PUDP: variants seen among roughly 807,000 people sequenced by gnomAD.
PUDP encodes the protein pseudouridine-5'-phosphatase.
A neutral mutation model predicts 9.4 loss-of-function variants in PUDP; 8 were observed. The observed-to-expected ratio is 0.85, with a 90% CI of 0.50 to 1.53. PUDP has a LOEUF of 1.53. PUDP is among the 40% of genes most tolerant of loss of function. The pLI is 0.00. For synonymous variants in PUDP, 99 were observed against 80.7 expected (o/e 1.23, Z -1.22); for missense variants, 188 against 189.7 (o/e 0.99, Z 0.05).
intron 1 of PUDP, among the ~76,000 whole-genome samples, chrX:7,036,275 G>GT (rs942176422): frequency 9.0e-5 from 10 of 111,146 alleles, no homozygotes; most frequent in East Asian, 8.5e-4. Flanking sequence ...CTAGGTTTTT[G>GT]TTTTTTTTGA....
chrX:6,903,951 TATTTA>T (rs1250237092), intron 3 of PUDP, among the ~76,000 whole-genome samples: 2 of 96,308 alleles, frequency 2.1e-5, no homozygotes, highest in Non-Finnish European at 4.3e-5. Flanking sequence ...AATATATATA[TATTTA>T]TTTTTTTTTT....
intron 1 of PUDP, among the ~76,000 whole-genome samples, chrX:7,140,489 C>T (rs1193523099): frequency 1.8e-5 from 2 of 110,972 alleles, no homozygotes; most frequent in Non-Finnish European, 1.9e-5. Flanking sequence ...TATCATTTAC[C>T]TTGCTCCTTT....
chrX:6,989,190 TCA>T (rs1602703564), intron 1 of PUDP: 1 of 112,123 alleles, frequency 8.9e-6, no homozygotes. Flanking sequence ...AGTTGTAAAT[TCA>T]CATTTATTTG....
chrX:7,077,379 G>A lies in PUDP; in HGVS notation c.351C>T (p.Ser117=), dbSNP rs775756672. Residue 117 remains serine (S), a synonymous_variant, in exon 3 of 4, where the codon TCC becomes TCT. Coordinates refer to ENST00000381077, the MANE Select transcript of PUDP (RefSeq NM_012080.5). ...GGCTTGTCTTCATATCGAACGACGCGGACCCCGAGCTGGTGGCCAGTGCAA... is the reference window on the plus strand; with the variant it reads ...GGCTTGTCTTCATATCGAACGACGCAGACCCCGAGCTGGTGGCCAGTGCAA... ...IPFALATSSG[S]ASFDMKTSRH... 1.8e-4 allele frequency: 218 copies of A among 1,208,759 alleles called. No homozygotes were observed. The highest frequency in any genetic ancestry group is 8.6e-5 in the Non-Finnish European group (77 of 894,778).
At chrX:6,902,739 C>G (rs1202293347) in intron 3 of PUDP, among the ~76,000 whole-genome samples, 1 of 111,494 alleles carries the variant, frequency 9.0e-6, no homozygotes, top group Non-Finnish European at 1.9e-5. Context: ...TAAACTGACA[C>G]AATCTCCTGG....
chrX:6,797,834 A>G lies in PUDP; in HGVS notation c.*248-91368T>C, dbSNP rs762830477. Among the ~76,000 whole-genome samples the G allele has an allele frequency of 2.7e-5, 3 of 112,299 alleles. No homozygotes were observed. The East Asian group carries it at 8.4e-4, about 32-fold the overall frequency. Reference sequence around the variant, plus strand: ...GAGTTGCTGTGTTCCACAGCATTAGATAACTAATATAATCCCCAATGCCAT... The same window carrying G: ...GAGTTGCTGTGTTCCACAGCATTAGGTAACTAATATAATCCCCAATGCCAT... On this transcript the variant is annotated intron_variant and NMD_transcript_variant, in intron 3 of 3. Coordinates refer to the PUDP transcript ENST00000655425.
chrX:6,882,946 A>T (rs1337814787), intron 3 of PUDP, among the ~76,000 whole-genome samples: 1 of 111,648 alleles, frequency 9.0e-6, no homozygotes, highest in African/African-American at 3.3e-5. Context: ...TCCTGTGGAC[A>T]GAGGGTGTTG....
At chrX:6,722,408 G>A (rs1180498747), upstream of PUDP, among the ~76,000 whole-genome samples, 1 of 106,550 alleles carries the variant, frequency 9.4e-6, no homozygotes, top group Non-Finnish European at 1.9e-5. Context: ...TTACACCACT[G>A]AACTCCAGCC....
chrX:7,030,730 G>C (rs753858153), intron 1 of PUDP, among the ~76,000 whole-genome samples: 1 of 111,189 alleles, frequency 9.0e-6, no homozygotes, highest in Admixed American at 9.5e-5. Context: ...CCTCTCAGAC[G>C]TTACTGGCTC....
At chrX:6,848,725 A>C (rs970052117) in intron 3 of PUDP, among the ~76,000 whole-genome samples, 7 of 111,637 alleles carry the variant, frequency 6.3e-5, no homozygotes, top group Non-Finnish European at 1.3e-4. Flanking sequence ...GAAGTTCTCA[A>C]TTAGTTCACG....
At chrX:6,752,437 T>C (rs1231528709) in intron 3 of PUDP, among the ~76,000 whole-genome samples, 1 of 111,973 alleles carries the variant, frequency 8.9e-6, no homozygotes, top group Non-Finnish European at 1.9e-5. Flanking sequence ...AAATATTCTA[T>C]GCAAAGGTGG....
At chrX:6,753,656 T>C (rs58917917) in intron 3 of PUDP, among the ~76,000 whole-genome samples, 5,887 of 111,933 alleles carry the variant, frequency 0.053, 153 homozygotes, top group East Asian at 0.17. Context: ...TTTTTTTGAT[T>C]GTGTCCATCC....
intron 1 of PUDP, among the ~76,000 whole-genome samples, chrX:7,038,769 A>G (rs1340094370): frequency 1.8e-5 from 2 of 112,088 alleles, no homozygotes; most frequent in Non-Finnish European, 3.8e-5. Context: ...AGGAAATTAT[A>G]GGAAAAAAGT....
intron 3 of PUDP, among the ~76,000 whole-genome samples, chrX:6,807,940 T>C (rs1295743116): frequency 8.9e-6 from 1 of 112,030 alleles, no homozygotes; most frequent in African/African-American, 3.2e-5. Context: ...AATTTGACTG[T>C]AGAAAATATG....
At chrX:7,078,283 C>T (rs976380862) in intron 2 of PUDP, among the ~76,000 whole-genome samples, 2 of 112,248 alleles carry the variant, frequency 1.8e-5, no homozygotes, top group Non-Finnish European at 3.8e-5. Flanking sequence ...CAAGGTGTGA[C>T]GGTTTGCCTA....
At chrX:6,935,773 T>C (rs1214064799) in intron 3 of PUDP, among the ~76,000 whole-genome samples, 95 of 55,126 alleles carry the variant, frequency 1.7e-3, no homozygotes, top group African/African-American at 6.2e-3. Context: ...AAGAATCAAA[T>C]AGATGCAATA....
rs192253342 is a variant in PUDP, at chrX:6,960,800, T to A, written c.*247+16333A>T. Among the ~76,000 whole-genome samples, 103 of 111,626 alleles carry A rather than the reference T, an allele frequency of 9.2e-4. 1 individual carries two copies. Among genetic ancestry groups the A allele is most frequent in the Admixed American group, 2.2e-3 (23 of 10,458 alleles). On this transcript the variant is annotated intron_variant and NMD_transcript_variant, in intron 3 of 3. Transcript: ENST00000655425. ...CACCAACAGAGTATAGAACACAGGT[T>A]GGCCAGCTTTTTTTTGTGTATGTGA... is the stretch of plus-strand genomic sequence containing the variant.
At chrX:7,146,303 G>C (rs1179963947) in intron 1 of PUDP, among the ~76,000 whole-genome samples, 2 of 111,820 alleles carry the variant, frequency 1.8e-5, no homozygotes, top group African/African-American at 6.5e-5. Context: ...ATCAGAATTA[G>C]GCACCAAGCT....
intron 3 of PUDP, among the ~76,000 whole-genome samples, chrX:6,829,539 G>T (rs761261170): frequency 8.9e-6 from 1 of 111,841 alleles, no homozygotes; most frequent in East Asian, 2.8e-4. Context: ...ACTAGCATTT[G>T]GTACTGTTGG....
Sources: allele counts gnomAD v4.1 joint callset (sites outside exome capture counted in the v4.1 genomes callset), GRCh38; gene constraint gnomAD v4.1.1; transcripts MANE v1.5; gene names NCBI Gene and HGNC (gene_info 2026-07-23, HGNC 2026-07-21).